KDM4D: variants seen among roughly 807,000 people sequenced by gnomAD.
KDM4D encodes the protein lysine-specific demethylase 4D.
For missense variants in KDM4D, 427 were observed against 674.8 expected (o/e 0.63, Z 4.07); for synonymous variants, 254 against 249.1 (o/e 1.02, Z -0.19).
chr11:94,980,348 C>T (rs1417010215), intron 2 of KDM4D, among the ~76,000 whole-genome samples: 4 of 152,112 alleles, frequency 2.6e-5, no homozygotes, highest in Non-Finnish European at 5.9e-5. Flanking sequence ...ATATTCTTAC[C>T]TTGTCCCACT....
chr11:94,980,296 C>T (rs957287053), intron 2 of KDM4D, among the ~76,000 whole-genome samples: 3 of 152,038 alleles, frequency 2.0e-5, no homozygotes, highest in Non-Finnish European at 2.9e-5. Context: ...CATTTTTGTG[C>T]GTGGCATGCT....
chr11:94,986,689 G>T (rs1205182063), intron 2 of KDM4D, among the ~76,000 whole-genome samples: 2 of 152,196 alleles, frequency 1.3e-5, no homozygotes, highest in Non-Finnish European at 2.9e-5. Flanking sequence ...TGATGTGGAT[G>T]TTGAGAAATT....
Position 94,998,371 on chromosome 11 carries a change from T to C in KDM4D, c.999T>C (p.Tyr333=), listed in dbSNP as rs367630670. ...AFVRILQPER[Y]DLWKRGQDRA... ...TGCGCATCCTGCAACCTGAACGCTA[T>C]GACCTGTGGAAACGTGGGCAAGACC... The change falls in exon 3 of 3, where the codon TAT becomes TAC. Residue 333 remains tyrosine, a synonymous_variant. Transcript: ENST00000335080. This position sits in a 1 kb window ranked among gnomAD's most constrained non-coding sequence, Gnocchi z 6.7. 1,452 of 1,614,198 alleles carry C rather than the reference T, an allele frequency of 9.0e-4. 22 individuals are homozygous for C. The South Asian group carries it at 0.015, about 17-fold the overall frequency.
intron 2 of KDM4D, among the ~76,000 whole-genome samples, chr11:94,977,348 A>C (rs1857806100): frequency 6.6e-6 from 1 of 152,182 alleles, no homozygotes. Context: ...AGGTGTTCAC[A>C]ATGGTTTCCA....
intron 2 of KDM4D, among the ~76,000 whole-genome samples, chr11:94,993,513 G>GT (rs201151130): frequency 0.48 from 67,690 of 141,866 alleles, 16,297 homozygotes; most frequent in Non-Finnish European, 0.53. Context: ...ATTCTAAGCA[G>GT]TTTTTTTTTT....
intron 2 of KDM4D, among the ~76,000 whole-genome samples, chr11:94,988,713 C>G (rs1555098341): frequency 6.6e-6 from 1 of 152,206 alleles, no homozygotes; most frequent in Non-Finnish European, 1.5e-5. Flanking sequence ...CCTGGATACA[C>G]AGGCTCCAAT....
At chr11:94,995,557 G>A (rs782560399) in intron 2 of KDM4D, among the ~76,000 whole-genome samples, 38 of 152,244 alleles carry the variant, frequency 2.5e-4, no homozygotes, top group South Asian at 1.0e-3. Context: ...AGAGAATGTG[G>A]GAGGGGAGAA....
At chr11:94,989,752 CTTTTTTTT>C (rs587676047) in intron 2 of KDM4D, among the ~76,000 whole-genome samples, 2 of 122,844 alleles carry the variant, frequency 1.6e-5, no homozygotes, top group Non-Finnish European at 3.3e-5. Flanking sequence ...CTCTCTCTTT[CTTTTTTTT>C]TTTTTTTTTT....
In KDM4D at chr11:94,974,052, C is replaced by T. The variant is rs1469651636; in HGVS notation, c.-461C>T. 6.6e-6 allele frequency: 1 copy of T among 152,224 alleles called. No homozygotes were observed. 9.4% of individuals were successfully genotyped at this position (152,224 alleles called of 1,614,324 possible). On this transcript the variant is annotated 5_prime_UTR_variant, in exon 1 of 3. Transcript: ENST00000335080. ...GAAAGAACAAATATGTACGGGGCAA[C>T]CACGATCTTTACAAAGGTACCATTC...
intron 2 of KDM4D, among the ~76,000 whole-genome samples, chr11:94,977,684 TG>T (rs1288375806): frequency 1.3e-5 from 2 of 152,212 alleles, no homozygotes; most frequent in African/African-American, 2.4e-5. Flanking sequence ...TATAATTACA[TG>T]GCATTTATCA....
intron 2 of KDM4D, among the ~76,000 whole-genome samples, chr11:94,992,476 C>T (rs1385172968): frequency 1.3e-5 from 2 of 151,860 alleles, no homozygotes; most frequent in African/African-American, 4.8e-5. Context: ...TAGTCGTTGT[C>T]CAAGAAATGT....
intron 2 of KDM4D, among the ~76,000 whole-genome samples, chr11:94,992,286 A>G (rs1320352553): frequency 3.9e-5 from 6 of 152,056 alleles, no homozygotes; most frequent in African/African-American, 1.4e-4. Flanking sequence ...AACTATTAAC[A>G]TATCTAACAA....
chr11:94,994,636 A>C (rs1264010467), intron 2 of KDM4D, among the ~76,000 whole-genome samples: 1 of 151,980 alleles, frequency 6.6e-6, no homozygotes, highest in African/African-American at 2.4e-5. Flanking sequence ...GTGTTCTGTG[A>C]ACCAGTGATG....
chr11:94,974,955 T>C (rs1857783952), intron 1 of KDM4D, among the ~76,000 whole-genome samples: 1 of 152,228 alleles, frequency 6.6e-6, no homozygotes, highest in African/African-American at 2.4e-5. Flanking sequence ...ACAATTTCAC[T>C]GCACTTAGAA....
intron 2 of KDM4D, among the ~76,000 whole-genome samples, chr11:94,993,513 G>GTTT (rs201151130): frequency 1.1e-4 from 16 of 142,038 alleles, no homozygotes; most frequent in Non-Finnish European, 2.1e-4. Context: ...ATTCTAAGCA[G>GTTT]TTTTTTTTTT....
At chr11:94,989,198 T>C (rs181572738) in intron 2 of KDM4D, among the ~76,000 whole-genome samples, 1 of 152,340 alleles carries the variant, frequency 6.6e-6, no homozygotes, top group African/African-American at 2.4e-5. Context: ...AAGGGGATTT[T>C]TTTAAAAAGC....
chr11:94,993,141 C>T (rs1367155515), intron 2 of KDM4D, among the ~76,000 whole-genome samples: 1 of 152,080 alleles, frequency 6.6e-6, no homozygotes, highest in African/African-American at 2.4e-5. Context: ...ACACACACAG[C>T]AAGAAGCTTA....
chr11:94,990,517 CAATAAAG>C (rs1476877537), intron 2 of KDM4D, among the ~76,000 whole-genome samples: 5 of 152,252 alleles, frequency 3.3e-5, no homozygotes, highest in African/African-American at 1.2e-4. Flanking sequence ...AAACAAGAAG[CAATAAAG>C]ATGTGGTTTA....
chr11:94,984,109 A>G (rs2134110958), intron 2 of KDM4D, among the ~76,000 whole-genome samples: 1 of 152,300 alleles, frequency 6.6e-6, no homozygotes, highest in Admixed American at 6.5e-5. Flanking sequence ...ATGTATGTGT[A>G]TGTATGTATA....
Sources: allele counts gnomAD v4.1 joint callset (sites outside exome capture counted in the v4.1 genomes callset), GRCh38; gene constraint gnomAD v4.1.1; non-coding constraint Gnocchi (gnomAD v3.1); transcripts MANE v1.5; gene names NCBI Gene and HGNC (gene_info 2026-07-23, HGNC 2026-07-21).